CSMD2: variants seen among roughly 807,000 people sequenced by gnomAD.
The protein encoded by CSMD2 is CUB and Sushi multiple domains 2, also known as CUB and sushi domain-containing protein 2.
CSMD2 carries 130 observed loss-of-function variants against 398.5 expected under a neutral mutation model. The observed-to-expected ratio is 0.33, with a 90% CI of 0.28 to 0.38. CSMD2 has a LOEUF of 0.38. CSMD2 is among the 10% of genes least tolerant of loss of function. The pLI, the probability that CSMD2 is intolerant of heterozygous loss-of-function variation, is 1.00. For synonymous variants in CSMD2, 1,828 were observed against 1,908.5 expected, an observed-to-expected ratio of 0.96 and a Z score of 1.10; for missense variants, 3,829 against 4,764.9, an observed-to-expected ratio of 0.80 and a Z score of 5.78.
At chr1:34,080,674 C>A (rs1489614470) in intron 2 of CSMD2, among the ~76,000 whole-genome samples, 1 of 151,904 alleles carries the variant, frequency 6.6e-6, no homozygotes, top group Non-Finnish European at 1.5e-5. Flanking sequence ...GGAATGTGGT[C>A]AAAGCTATAC....
intron 6 of CSMD2, among the ~76,000 whole-genome samples, chr1:33,829,532 G>T (rs957684713): frequency 2.0e-5 from 3 of 152,200 alleles, no homozygotes; most frequent in Non-Finnish European, 2.9e-5. Context: ...GAGGAGCCAA[G>T]GTGGCCGAAT....
chr1:33,921,925 A>G (rs1643953946), intron 4 of CSMD2, among the ~76,000 whole-genome samples: 1 of 152,194 alleles, frequency 6.6e-6, no homozygotes, highest in Admixed American at 6.5e-5. Context: ...AGGTTTTCCC[A>G]TCATCAAAGC....
chr1:33,900,302 T>G (rs1642662288), intron 5 of CSMD2, among the ~76,000 whole-genome samples: 1 of 152,140 alleles, frequency 6.6e-6, no homozygotes, highest in Non-Finnish European at 1.5e-5. Flanking sequence ...CTATCTATGC[T>G]CCATGGTGCC....
intron 25 of CSMD2, among the ~76,000 whole-genome samples, chr1:33,672,174 C>T (rs898187177): frequency 8.5e-5 from 13 of 152,190 alleles, no homozygotes; most frequent in Admixed American, 5.2e-4. Flanking sequence ...GGCGAGGCAT[C>T]GCCTCACCTG....
chr1:33,742,608 C>T (rs972474493), intron 14 of CSMD2, among the ~76,000 whole-genome samples: 11 of 132,202 alleles, frequency 8.3e-5, no homozygotes, highest in Non-Finnish European at 1.2e-4. Context: ...TCTGTAACCA[C>T]GAGATACAGA....
At chr1:33,601,590 A>G (rs2148807501) in intron 43 of CSMD2, among the ~76,000 whole-genome samples, 1 of 152,328 alleles carries the variant, frequency 6.6e-6, no homozygotes, top group African/African-American at 2.4e-5. Context: ...CCTAACCCCG[A>G]TGATTCTCAG....
At chr1:33,837,885 T>C (rs1434518480) in intron 6 of CSMD2, among the ~76,000 whole-genome samples, 2 of 152,208 alleles carry the variant, frequency 1.3e-5, no homozygotes, top group African/African-American at 4.8e-5. Context: ...TTCTGGTTAA[T>C]TACAAGACAT....
chr1:33,536,928 T>A, intron 62 of CSMD2, 94 bp downstream of exon 62: 1 of 1,205,308 alleles, frequency 8.3e-7, no homozygotes, highest in Non-Finnish European at 1.2e-6. Context: ...CCTCCCTGAG[T>A]GCTGTCCTGA....
chr1:34,123,009 T>G (rs1256881156), intron 1 of CSMD2, among the ~76,000 whole-genome samples: 1 of 152,192 alleles, frequency 6.6e-6, no homozygotes, highest in African/African-American at 2.4e-5. Context: ...TCCCCATATG[T>G]AATGAGCAGC....
chr1:33,729,213 C>G (rs766239591), intron 15 of CSMD2, among the ~76,000 whole-genome samples: 19 of 152,292 alleles, frequency 1.2e-4, no homozygotes, highest in South Asian at 4.1e-4. Flanking sequence ...TCAGTGCATA[C>G]ATATCAACGA....
chr1:33,540,813 G>A (rs1656258948), intron 59 of CSMD2, 115 bp from the exon 60 acceptor site: 1 of 1,186,750 alleles, frequency 8.4e-7, no homozygotes, highest in African/African-American at 1.5e-5. Context: ...GGCTAAACAG[G>A]AAGAACCAGA....
chr1:33,884,360 G>A (rs571090031), intron 5 of CSMD2, among the ~76,000 whole-genome samples: 3 of 146,742 alleles, frequency 2.0e-5, no homozygotes, highest in Admixed American at 2.0e-4. Context: ...ATCACCCCAG[G>A]GGCACCTCAA....
At chr1:33,887,454 C>G (rs1000873043) in intron 5 of CSMD2, among the ~76,000 whole-genome samples, 1 of 152,160 alleles carries the variant, frequency 6.6e-6, no homozygotes, top group African/African-American at 2.4e-5. Flanking sequence ...CAAAATTGTA[C>G]TTAGCCTCAT....
intron 41 of CSMD2, chr1:33,605,823 C>G: frequency 1.9e-6 from 3 of 1,539,670 alleles, no homozygotes; most frequent in Non-Finnish European, 2.7e-6. Context: ...GGGGGCCAGG[C>G]ACCAGCCTAA....
At chr1:33,961,202 C>G (rs146286070) in intron 3 of CSMD2, among the ~76,000 whole-genome samples, 236 of 152,346 alleles carry the variant, frequency 1.5e-3, no homozygotes, top group African/African-American at 5.2e-3. Context: ...CCTGCAGGTG[C>G]ATCAGTGGGT....
intron 15 of CSMD2, among the ~76,000 whole-genome samples, chr1:33,738,655 A>C (rs969372199): frequency 2.0e-5 from 3 of 152,132 alleles, no homozygotes; most frequent in African/African-American, 7.2e-5. Flanking sequence ...GAGACTGACC[A>C]CAAGGATATA....
intron 1 of CSMD2, among the ~76,000 whole-genome samples, chr1:34,128,611 A>C (rs1198986354): frequency 1.3e-5 from 2 of 152,156 alleles, no homozygotes; most frequent in Non-Finnish European, 2.9e-5. Context: ...TGAAGGACCC[A>C]CACAGCCTGG....
At chr1:34,128,492 G>T (rs1662981449) in intron 1 of CSMD2, among the ~76,000 whole-genome samples, 1 of 152,328 alleles carries the variant, frequency 6.6e-6, no homozygotes, top group Non-Finnish European at 1.5e-5. Flanking sequence ...TTGTCGAAGT[G>T]GTGGCAGCTC....
chr1:33,707,502 T>C (rs1014659142), intron 22 of CSMD2, among the ~76,000 whole-genome samples: 13 of 152,148 alleles, frequency 8.5e-5, no homozygotes, highest in Admixed American at 5.9e-4. Context: ...TATTCTCTTG[T>C]TGGGAGACAC....
Sources: allele counts gnomAD v4.1 joint callset (sites outside exome capture counted in the v4.1 genomes callset), GRCh38; gene constraint gnomAD v4.1.1; transcripts MANE v1.5; gene names NCBI Gene and HGNC (gene_info 2026-07-23, HGNC 2026-07-21).